Variants in TNC observed in about 807,000 individuals in gnomAD.
The protein encoded by TNC is tenascin.
A neutral mutation model predicts 202.4 loss-of-function variants in TNC; 109 were observed. That is an observed-to-expected ratio of 0.54 (90% CI 0.46 to 0.63). The LOEUF (loss-of-function observed/expected upper bound fraction) is 0.63. Among genes scored for constraint, TNC ranks in the 30% least tolerant of loss-of-function variants. The pLI is 0.00. For synonymous variants in TNC, 1,007 were observed against 1,089.7 expected (o/e 0.92, Z 1.50); for missense variants, 2,756 against 2,833.3 (o/e 0.97, Z 0.62).
chr9:115,104,443 GA>G (rs1836461117), intron 1 of TNC, among the ~76,000 whole-genome samples: 1 of 152,170 alleles, frequency 6.6e-6, no homozygotes, highest in African/African-American at 2.4e-5. Context: ...GAAAGACCCT[GA>G]AAAATTTTAA....
In TNC at chr9:115,091,047, T is replaced by G. The variant is rs748050707; in HGVS notation, c.-29A>C. ...GGAGGTGGGTTTGGCTGGGTGCTGC[T>G]GGGGCTCTAGGGCTCTAGGGTATCT... On this transcript the variant is annotated 5_prime_UTR_variant, in exon 2 of 28. Coordinates refer to ENST00000350763, the MANE Select transcript of TNC (RefSeq NM_002160.4). The G allele has an allele frequency of 4.3e-5, 68 of 1,590,558 alleles. No homozygotes were observed. Among genetic ancestry groups the G allele is most frequent in the Non-Finnish European group, 5.6e-5 (65 of 1,168,842 alleles).
At chr9:115,083,741 A>T (rs1314333419) in intron 4 of TNC, among the ~76,000 whole-genome samples, 1 of 151,708 alleles carries the variant, frequency 6.6e-6, no homozygotes, top group Non-Finnish European at 1.5e-5. Flanking sequence ...AGTAGCCGGG[A>T]TTACAGGCAT....
At chr9:115,062,136 A>G (rs1832591385) in intron 13 of TNC, among the ~76,000 whole-genome samples, 1 of 152,132 alleles carries the variant, frequency 6.6e-6, no homozygotes, top group Non-Finnish European at 1.5e-5. Context: ...AAAAATCATG[A>G]CTCTGTTGCT....
chr9:115,053,525 G>A (rs1831868369), intron 15 of TNC, among the ~76,000 whole-genome samples: 2 of 152,304 alleles, frequency 1.3e-5, no homozygotes, highest in African/African-American at 4.8e-5. Context: ...CAGTAAACCT[G>A]TTTAATTTTG....
chr9:115,076,385 C>T lies in TNC; in HGVS notation c.2860+5G>A, dbSNP rs1254506612. 1.2e-6 allele frequency: 2 copies of T among 1,613,556 alleles called. No homozygotes were observed. Among genetic ancestry groups the T allele is most frequent in the Admixed American group, 1.7e-5 (1 of 59,992 alleles). ...GGCTCAGGCTTGCAGAGATGCAGAGCTCACCTGTGAGTGTGGTTTTGGTTG... is the reference window on the plus strand; with the variant it reads ...GGCTCAGGCTTGCAGAGATGCAGAGTTCACCTGTGAGTGTGGTTTTGGTTG... On this transcript the variant is annotated splice_donor_5th_base_variant and intron_variant, in intron 8 of 27. Transcript: ENST00000350763.
intron 20 of TNC, 67 bp downstream of exon 20, chr9:115,038,194 G>A (rs202169636): frequency 1.1e-4 from 172 of 1,559,396 alleles, no homozygotes; most frequent in African/African-American, 6.8e-5. Flanking sequence ...GGAGAAGAGC[G>A]AATGGGAAGA....
Position 115,086,863 on chromosome 9 carries a change from T to C in TNC, c.868A>G (p.Asn290Asp), listed in dbSNP as rs1281175443. Residue 290 changes from asparagine to aspartate, a missense_variant, in exon 3 of 28, where the codon AAC becomes GAC. Physicochemically the swap from Asn to Asp is conservative, Grantham distance 23 (BLOSUM62 1). This residue lies in a region of TNC where 2,559 missense variants were observed against 2,546.0 expected (regional missense o/e 1.01). Transcript: ENST00000350763. Reference sequence around the variant, plus strand: ...TCATTCTCCACGCATCGTCCACGGTTGTAGCAATTGTTGAGACACAGAGGC... The same window carrying C: ...TCATTCTCCACGCATCGTCCACGGTCGTAGCAATTGTTGAGACACAGAGGC... The part of the protein sequence containing the change: ...NKPLCLNNCY[N>D]RGRCVENECV... The C allele has an allele frequency of 1.9e-6, 3 of 1,613,954 alleles. No individual in the cohort carries two copies. The Admixed American group carries it at 5.0e-5, about 27-fold the overall frequency.
intron 2 of TNC, among the ~76,000 whole-genome samples, chr9:115,090,305 A>G (rs934223804): frequency 9.2e-5 from 14 of 152,266 alleles, no homozygotes; most frequent in African/African-American, 3.4e-4. Flanking sequence ...ATTAAGGTAA[A>G]ATAGGGTTTT....
chr9:115,026,956 A>T (rs1172885638), intron 25 of TNC, among the ~76,000 whole-genome samples: 1 of 151,864 alleles, frequency 6.6e-6, no homozygotes, highest in African/African-American at 2.4e-5. Context: ...TAAAAATACA[A>T]AAATTAGCTG....
intron 7 of TNC, among the ~76,000 whole-genome samples, chr9:115,077,729 C>A (rs1398109020): frequency 6.6e-6 from 1 of 152,064 alleles, no homozygotes; most frequent in Non-Finnish European, 1.5e-5. Context: ...ACATATGTCC[C>A]CCACCCCCAA....
chr9:115,049,882 A>T (rs1267496146), intron 15 of TNC, among the ~76,000 whole-genome samples: 1 of 152,188 alleles, frequency 6.6e-6, no homozygotes, highest in Non-Finnish European at 1.5e-5. Flanking sequence ...TGAATGAATA[A>T]GGGAATGAAT....
chr9:115,115,393 G>C (rs1295301072), intron 1 of TNC, among the ~76,000 whole-genome samples: 1 of 152,138 alleles, frequency 6.6e-6, no homozygotes, highest in African/African-American at 2.4e-5. Context: ...ACGGGGACCT[G>C]GGTGTGAAAC....
chr9:115,071,965 G>A (rs888723117), intron 10 of TNC, among the ~76,000 whole-genome samples: 3 of 152,124 alleles, frequency 2.0e-5, no homozygotes, highest in African/African-American at 7.2e-5. Flanking sequence ...TTATAGTTGG[G>A]TGGGAAGCAG....
intron 13 of TNC, among the ~76,000 whole-genome samples, chr9:115,062,126 A>G (rs1488520907): frequency 6.6e-6 from 1 of 152,226 alleles, no homozygotes; most frequent in East Asian, 1.9e-4. Context: ...GTGCTATTTT[A>G]AAAATCATGA....
chr9:115,051,948 A>G (rs2132283343), intron 15 of TNC, among the ~76,000 whole-genome samples: 1 of 152,014 alleles, frequency 6.6e-6, no homozygotes, highest in East Asian at 1.9e-4. Flanking sequence ...GTTTACATAT[A>G]TTATCTTGGC....
chr9:115,071,752 G>A (rs989933371), intron 10 of TNC, among the ~76,000 whole-genome samples: 3 of 152,078 alleles, frequency 2.0e-5, no homozygotes, highest in African/African-American at 7.2e-5. Flanking sequence ...AAGAAAGAGA[G>A]AGAAAGAGAA....
intron 19 of TNC, among the ~76,000 whole-genome samples, chr9:115,038,705 A>G (rs1047980113): frequency 2.0e-5 from 3 of 152,378 alleles, no homozygotes; most frequent in Admixed American, 2.0e-4. Context: ...AAGGCTGAAC[A>G]CATGACAAGA....
rs146044349 is a variant in TNC, at chr9:115,057,336, C to T, written c.4396G>A (p.Glu1466Lys). ...LSWMATDGIF[E>K]TFTIEIIDSN... ...TCAATAATTTCAATGGTAAAGGTCT[C>T]GAAGATCCCATCGGTAGCCATCCAG... Residue 1466 changes from glutamate to lysine, a missense_variant, in exon 15 of 28, where the codon GAG (glutamate) becomes AAG (lysine). By Grantham distance (56) the Glu-to-Lys change is moderately conservative. This residue lies in a region of TNC where 2,559 missense variants were observed against 2,546.0 expected (regional missense o/e 1.01). Coordinates refer to ENST00000350763, the MANE Select transcript of TNC (RefSeq NM_002160.4). The T allele has an allele frequency of 8.1e-6, 13 of 1,613,944 alleles. No individual in the cohort carries two copies. Among genetic ancestry groups the T allele is most frequent in the South Asian group, 6.6e-5 (6 of 91,078 alleles).
intron 27 of TNC, among the ~76,000 whole-genome samples, chr9:115,022,376 AAGCCACGCCTTCTTGTACTGT>A (rs1191452170): frequency 2.6e-5 from 4 of 152,208 alleles, no homozygotes; most frequent in African/African-American, 9.7e-5. Context: ...TCAGGGTTGG[AAGCCACGCCTTCTTGTACTGT>A]GGTGGGCACT....
Sources: allele counts gnomAD v4.1 joint callset (sites outside exome capture counted in the v4.1 genomes callset), GRCh38; gene constraint gnomAD v4.1.1; regional missense constraint gnomAD v4.1.1; transcripts MANE v1.5; gene names NCBI Gene and HGNC (gene_info 2026-07-23, HGNC 2026-07-21).